The following ZBED1 variants were observed in gnomAD, a reference collection of about 807,000 sequenced individuals.
ZBED1 encodes the protein zinc finger BED-type containing 1, also known as E3 SUMO-protein ligase ZBED1.
Under a neutral mutation model 49.7 loss-of-function variants are expected in ZBED1, and 19 were observed. That is an observed-to-expected ratio of 0.38 (90% CI 0.27 to 0.56). The LOEUF is 0.56. Among genes scored for constraint, ZBED1 ranks in the 20% least tolerant of loss-of-function variants. The pLI is 0.70. For synonymous variants in ZBED1, 439 were observed against 440.3 expected, an observed-to-expected ratio of 1.00 and a Z score of 0.04; for missense variants, 806 against 972.6, an observed-to-expected ratio of 0.83 and a Z score of 2.28.
intron 1 of ZBED1, among the ~76,000 whole-genome samples, chrX:2,496,875 TAAAA>T (rs1244441210): frequency 6.7e-6 from 1 of 148,728 alleles, no homozygotes; most frequent in Non-Finnish European, 1.5e-5. Flanking sequence ...TAAATTATTC[TAAAA>T]ATATATATAT....
In ZBED1 at chrX:2,490,714, C is replaced by T. The variant is rs1261737456; in HGVS notation, c.6G>A (p.Glu2=). M[E]NKSLESSQTD... is the part of the protein sequence containing the mutation. ...TCTGGGAGCTCTCCAGGCTTTTATT[C>T]TCCATTGCTTCTCCACCGGAGCCTG... The change falls in exon 2 of 2, where the codon GAG becomes GAA. Residue 2 remains glutamate, a synonymous_variant. Transcript: ENST00000652001. 2 of 1,612,294 alleles carry T rather than the reference C, an allele frequency of 1.2e-6. No homozygotes were observed. The highest frequency in any genetic ancestry group is 1.7e-6 in the Non-Finnish European group (2 of 1,178,846).
chrX:2,496,206 T>C (rs2045281332), intron 1 of ZBED1, among the ~76,000 whole-genome samples: 3 of 152,142 alleles, frequency 2.0e-5, no homozygotes, highest in African/African-American at 7.2e-5. Flanking sequence ...TTTTGTTTTT[T>C]TGGTTTTTTT....
intron 1 of ZBED1, among the ~76,000 whole-genome samples, chrX:2,495,324 C>T (rs991736112): frequency 1.3e-5 from 2 of 151,482 alleles, no homozygotes; most frequent in African/African-American, 4.9e-5. Flanking sequence ...TGAAAGACGC[C>T]CCAGTACCAT....
At chrX:2,500,740 C>T (rs1287272295) in intron 1 of ZBED1, 77 bp downstream of exon 1, 16 of 660,236 alleles carry the variant, frequency 2.4e-5, no homozygotes, top group Non-Finnish European at 3.1e-5. Flanking sequence ...CACGCGGAGC[C>T]CCCGCGCCCC....
At chrX:2,499,325 C>T (rs2045355119) in intron 1 of ZBED1, among the ~76,000 whole-genome samples, 2 of 152,128 alleles carry the variant, frequency 1.3e-5, no homozygotes, top group South Asian at 2.1e-4. Context: ...TTCAGGGCAA[C>T]GTACACCCCC....
rs777542260 is a variant in ZBED1 at position 2,490,633 on chromosome X, G to A, written c.87C>T (p.Phe29=). ...ATCCCTCGGCGTTGGTGTCGAAGCC[G>A]AAATACTTCCACACCTTGCTCTTGG... ...PRAKSKVWKY[F]GFDTNAEGCI... Residue 29 remains phenylalanine (F), a synonymous_variant, in exon 2 of 2, where the codon TTC becomes TTT. Transcript: ENST00000652001. 55 of 1,613,856 alleles carry A rather than the reference G, an allele frequency of 3.4e-5. No homozygotes were observed. The highest frequency in any genetic ancestry group is 1.6e-4 in the Middle Eastern group (1 of 6,078).
rs751855320 is a variant in ZBED1 at position 2,489,456 on chromosome X, C to T, written c.1264G>A (p.Val422Met). Residue 422 changes from valine to methionine, a missense_variant, in exon 2 of 2, where the codon GTG becomes ATG. By Grantham distance (21) the Val-to-Met change is conservative. Coordinates refer to ENST00000652001, the MANE Select transcript of ZBED1 (RefSeq NM_001171136.2). The stretch of plus-strand genomic sequence containing the variant: ...AGGAGCATGTGCAGCAGCGGCTTCA[C>T]CATGCTGATGGTGGGGTACCTGGAG... ...SASRYPTISM[V>M]KPLLHMLLNT... 2.4e-5 allele frequency: 38 copies of T among 1,613,788 alleles called. No individual in the cohort carries two copies. The highest frequency in any genetic ancestry group is 6.6e-5 in the South Asian group (6 of 91,074).
Position 2,490,380 on chromosome X carries a change from C to A in ZBED1, c.340G>T (p.Ala114Ser). Residue 114 changes from alanine to serine, a missense_variant, in exon 2 of 2, where the codon GCC becomes TCC. Physicochemically the swap from Ala to Ser is moderately conservative, Grantham distance 99. Around this residue, in one of 2 missense-constraint regions of ZBED1, gnomAD observed 749 missense variants for 861.3 expected, o/e 0.87. Coordinates refer to ENST00000652001, the MANE Select transcript of ZBED1 (RefSeq NM_001171136.2). ...QPGQDALAVK[A>S]GHGYDSKKQQ... is the part of the protein sequence containing the mutation. ...TTCTTGCTGTCGTAGCCGTGGCCGG[C>A]CTTGACGGCCAGCGCGTCCTGCCCG... 6.2e-7 allele frequency: 1 copy of A among 1,613,696 alleles called. No homozygotes were observed. The highest frequency in any genetic ancestry group is 8.5e-7 in the Non-Finnish European group (1 of 1,179,852).
intron 1 of ZBED1, 40 bp downstream of exon 1, chrX:2,500,777 C>A: frequency 9.8e-7 from 1 of 1,023,818 alleles, no homozygotes; most frequent in South Asian, 4.6e-5. Flanking sequence ...CGCGCCCACC[C>A]GGGTCCCCGG....
In ZBED1 at chrX:2,486,488, G is replaced by A. The variant is rs149345567; in HGVS notation, c.*2147C>T. ...TCCAACTTTACAGCATTAAATAAGG[G>A]GCAACCGTTCAGGAGGGGAACGATG... is the stretch of plus-strand genomic sequence containing the variant. On this transcript the variant is annotated 3_prime_UTR_variant, in exon 2 of 2. Coordinates refer to ENST00000652001, the MANE Select transcript of ZBED1 (RefSeq NM_001171136.2). 6.6e-6 allele frequency: 1 copy of A among 152,318 alleles called. No homozygotes were observed. Among genetic ancestry groups the A allele is most frequent in the African/African-American group, 2.4e-5 (1 of 41,564 alleles). 9.4% of individuals were successfully genotyped at this position (152,318 alleles called of 1,614,324 possible).
chrX:2,491,059 G>A (rs1398024141), intron 1 of ZBED1, among the ~76,000 whole-genome samples: 4 of 137,942 alleles, frequency 2.9e-5, no homozygotes, highest in South Asian at 4.8e-4. Context: ...CCTGACAAGT[G>A]CCTTTAGTTT....
intron 1 of ZBED1, among the ~76,000 whole-genome samples, chrX:2,495,157 G>A (rs2045250052): frequency 6.7e-6 from 1 of 149,188 alleles, no homozygotes; most frequent in Admixed American, 6.7e-5. Context: ...ATTATTACTG[G>A]GCTGAAAGAA....
At chrX:2,492,926 G>A (rs1243325088) in intron 1 of ZBED1, among the ~76,000 whole-genome samples, 1 of 152,280 alleles carries the variant, frequency 6.6e-6, no homozygotes, top group Non-Finnish European at 1.5e-5. Flanking sequence ...AATGAGTGGA[G>A]GTCTTAGAAA....
In ZBED1 at chrX:2,500,920, C is replaced by T. The variant is rs779491299; in HGVS notation, c.-157G>A. 2.1e-4 allele frequency: 225 copies of T among 1,092,044 alleles called. No individual in the cohort carries two copies. The highest frequency in any genetic ancestry group is 2.4e-4 in the Non-Finnish European group (216 of 899,014). The allele number at this position is 1,092,044 out of a possible 1,614,324, so 67.6% of individuals were successfully genotyped here. On this transcript the variant is annotated 5_prime_UTR_variant, in exon 1 of 2. Coordinates refer to ENST00000652001, the MANE Select transcript of ZBED1 (RefSeq NM_001171136.2). ...GGGCCGCCCGCGCCGCAGACAATGG[C>T]GACATGGCTGCCCCGGCCGCGCCGC...
chrX:2,495,911 A>C (rs2045273345), intron 1 of ZBED1, among the ~76,000 whole-genome samples: 1 of 152,120 alleles, frequency 6.6e-6, no homozygotes, highest in Non-Finnish European at 1.5e-5. Flanking sequence ...GCAAGAGACC[A>C]GTGTGAAGAA....
In ZBED1 at chrX:2,489,879, G is replaced by C. The variant is rs777686603; in HGVS notation, c.841C>G (p.Leu281Val). The change falls in exon 2 of 2, where the codon CTG (leucine) becomes GTG (valine). Residue 281 changes from leucine to valine, a missense_variant. Physicochemically the swap from Leu to Val is conservative, Grantham distance 32. This residue lies in a region of ZBED1 where 749 missense variants were observed against 861.3 expected (regional missense o/e 0.87). Coordinates refer to ENST00000652001, the MANE Select transcript of ZBED1 (RefSeq NM_001171136.2). ...GGCATGTGCACTGCGACGTCCAGCA[G>C]GGAGCACGCCTTCACGATGTCCTTG... is the stretch of plus-strand genomic sequence containing the variant. Reference protein sequence around the residue: ...YGKDIVKACSLLDVAVHMPCL... With the variant: ...YGKDIVKACSVLDVAVHMPCL... 19 of 1,613,872 alleles carry C rather than the reference G, an allele frequency of 1.2e-5. No homozygotes were observed. Among genetic ancestry groups the C allele is most frequent in the Non-Finnish European group, 1.6e-5 (19 of 1,179,888 alleles).
At position 2,487,498 on chromosome X, in the gene ZBED1, G is replaced by A. The variant is rs6641862; in HGVS notation, c.*1137C>T. 0.19 allele frequency: 28,271 copies of A among 152,134 alleles called. 3,504 individuals are homozygous for A. Among genetic ancestry groups the A allele is most frequent in the East Asian group, 0.65 (3,328 of 5,124 alleles). 9.4% of individuals were successfully genotyped at this position (152,134 alleles called of 1,614,324 possible). On this transcript the variant is annotated 3_prime_UTR_variant, in exon 2 of 2. Coordinates refer to ENST00000652001, the MANE Select transcript of ZBED1 (RefSeq NM_001171136.2). Reference sequence around the variant, plus strand: ...TTCCGCCTCAGCCTCCCGAGTAGCTGGGATTACAGGCGGGTGCCACCGCAT... The same window carrying A: ...TTCCGCCTCAGCCTCCCGAGTAGCTAGGATTACAGGCGGGTGCCACCGCAT...
chrX:2,495,239 G>A (rs1008189138), intron 1 of ZBED1, among the ~76,000 whole-genome samples: 5 of 151,138 alleles, frequency 3.3e-5, no homozygotes, highest in Admixed American at 6.6e-5. Context: ...GCTGAAAGAC[G>A]TTCCAGGACG....
intron 1 of ZBED1, among the ~76,000 whole-genome samples, chrX:2,495,046 G>A (rs1179148452): frequency 2.0e-5 from 3 of 149,296 alleles, no homozygotes. Context: ...ATATTCTATT[G>A]TCATTATTAT....
Sources: gnomAD v4.1 joint callset for allele counts (sites outside exome capture counted in the v4.1 genomes callset) on GRCh38, gnomAD v4.1.1 for gene constraint, gnomAD v4.1.1 regional missense constraint, MANE v1.5 for transcripts, NCBI Gene and HGNC (gene_info 2026-07-23, HGNC 2026-07-21) for gene names.